Variants in ROBO2 observed in about 807,000 individuals in gnomAD.
ROBO2 encodes the protein roundabout guidance receptor 2.
A neutral mutation model predicts 160.8 loss-of-function variants in ROBO2; 53 were observed. The ratio of observed to expected loss-of-function variants is 0.33; its 90% CI spans 0.26 to 0.41. The LOEUF is 0.41. Among genes scored for constraint, ROBO2 ranks in the 10% least tolerant of loss-of-function variants. The probability of loss-of-function intolerance (pLI) is 1.00; values close to 1 mark genes in which losing one functional copy is unlikely to be tolerated. For missense variants in ROBO2, 1,577 were observed against 1,722.4 expected (o/e 0.92, Z 1.49); for synonymous variants, 664 against 611.7 (o/e 1.09, Z -1.26).
rs909508091 is a variant in ROBO2 at position 76,992,642 on chromosome 3, A to AT, written c.110-105362dup. Among the ~76,000 whole-genome samples the AT allele has an allele frequency of 6.0e-3, 903 of 149,564 alleles. 13 individuals carry two copies. Among genetic ancestry groups the AT allele is most frequent in the African/African-American group, 0.018 (720 of 40,842 alleles). ...CGTCAATTTTTTCCTAAAAATAAGA[A>AT]TTTTTTTTTTCTATATGAAGGGCCT... On this transcript the variant is annotated intron_variant, in intron 2 of 26. Transcript: ENST00000487694.
At chr3:77,048,687 G>C (rs570765599) in intron 1 of ROBO2, among the ~76,000 whole-genome samples, 1 of 152,266 alleles carries the variant, frequency 6.6e-6, no homozygotes, top group East Asian at 1.9e-4. Context: ...AGCCCCCTTA[G>C]CTTCCCTTCA....
At chr3:77,588,983 T>C in intron 17 of ROBO2, 50 bp downstream of exon 18, 2 of 1,593,050 alleles carry the variant, frequency 1.3e-6, no homozygotes, top group Non-Finnish European at 1.7e-6. Context: ...AGGAATGTAA[T>C]GAAATGAATG....
intron 24 of ROBO2, among the ~76,000 whole-genome samples, chr3:77,644,281 G>A (rs1169751693): frequency 1.3e-5 from 2 of 152,034 alleles, no homozygotes; most frequent in African/African-American, 4.8e-5. Context: ...TAAATCAATT[G>A]AGAAAATGTT....
chr3:77,049,115 G>A (rs2064972881), intron 1 of ROBO2, among the ~76,000 whole-genome samples: 1 of 152,114 alleles, frequency 6.6e-6, no homozygotes, highest in Non-Finnish European at 1.5e-5. Flanking sequence ...GATCGCTTGA[G>A]CCTAGGTGTT....
chr3:76,228,594 T>C (rs1704433394), intron 2 of ROBO2, among the ~76,000 whole-genome samples: 1 of 152,200 alleles, frequency 6.6e-6, no homozygotes, highest in Admixed American at 6.6e-5. Flanking sequence ...TTCTTGTATC[T>C]TTAATTCAGC....
At chr3:77,298,473 C>G (rs970963113) in intron 2 of ROBO2, among the ~76,000 whole-genome samples, 2 of 152,184 alleles carry the variant, frequency 1.3e-5, no homozygotes, top group Non-Finnish European at 2.9e-5. Context: ...AGTCCAGACT[C>G]TCTCACTCAT....
At chr3:76,350,926 G>C (rs906076679) in intron 2 of ROBO2, among the ~76,000 whole-genome samples, 1 of 151,762 alleles carries the variant, frequency 6.6e-6, no homozygotes, top group Non-Finnish European at 1.5e-5. Flanking sequence ...AAAGACAATC[G>C]GGACACATAA....
At chr3:77,086,906 C>A (rs2069398806) in intron 1 of ROBO2, among the ~76,000 whole-genome samples, 1 of 152,124 alleles carries the variant, frequency 6.6e-6, no homozygotes, top group South Asian at 2.1e-4. Context: ...CATTGAATCT[C>A]AATTTAACTT....
At chr3:76,941,737 A>G (rs1478005318) in intron 2 of ROBO2, among the ~76,000 whole-genome samples, 1 of 152,012 alleles carries the variant, frequency 6.6e-6, no homozygotes, top group Non-Finnish European at 1.5e-5. Context: ...TCTCTCCCTC[A>G]CTTGTCTGCA....
At chr3:76,129,782 G>C (rs1477850532) in intron 2 of ROBO2, among the ~76,000 whole-genome samples, 1 of 151,966 alleles carries the variant, frequency 6.6e-6, no homozygotes, top group Non-Finnish European at 1.5e-5. Context: ...AGTTTTTCTA[G>C]AATATTGATT....
intron 1 of ROBO2, among the ~76,000 whole-genome samples, chr3:77,075,881 T>G (rs2067944617): frequency 6.6e-6 from 1 of 151,856 alleles, no homozygotes; most frequent in South Asian, 2.1e-4. Flanking sequence ...TTTCACCATG[T>G]TGGCCAAGGT....
chr3:77,005,807 CA>C lies in ROBO2; in HGVS notation c.110-92201del, dbSNP rs893846526. On this transcript the variant is annotated intron_variant, in intron 2 of 26. Coordinates refer to the ROBO2 transcript ENST00000487694. ...CAAAGTTATAAAGAAGATTACGAAG[CA>C]AAAAAGGATGCAGTGTTCTAGTCTG... 2.6e-4 allele frequency among the ~76,000 whole-genome samples: 39 copies of C among 151,864 alleles called. No individual in the cohort carries two copies. The Middle Eastern group carries it at 0.01, about 40-fold the overall frequency.
chr3:77,591,789 C>T (rs966984890), intron 17 of ROBO2, among the ~76,000 whole-genome samples: 3 of 152,012 alleles, frequency 2.0e-5, no homozygotes, highest in Non-Finnish European at 2.9e-5. Context: ...TGTCTGACCA[C>T]CCCAACCCTT....
intron 2 of ROBO2, among the ~76,000 whole-genome samples, chr3:76,554,462 A>T (rs151306859): frequency 4.2e-4 from 64 of 152,328 alleles, no homozygotes; most frequent in African/African-American, 1.4e-3. Context: ...GAAACAAAAG[A>T]TATGTATTTC....
At chr3:77,614,035 G>A (rs564285291) in intron 21 of ROBO2, among the ~76,000 whole-genome samples, 1 of 152,246 alleles carries the variant, frequency 6.6e-6, no homozygotes, top group Non-Finnish European at 1.5e-5. Context: ...AAAGAAAGAT[G>A]AAAACAAATT....
chr3:76,694,027 C>G (rs531470837), intron 2 of ROBO2, among the ~76,000 whole-genome samples: 2 of 152,300 alleles, frequency 1.3e-5, no homozygotes, highest in Non-Finnish European at 2.9e-5. Flanking sequence ...GAGCTCTCCA[C>G]GTGCCTACAT....
intron 2 of ROBO2, among the ~76,000 whole-genome samples, chr3:77,280,290 C>T (rs1180393852): frequency 6.6e-6 from 1 of 152,160 alleles, no homozygotes; most frequent in African/African-American, 2.4e-5. Flanking sequence ...TTGATGAATT[C>T]CTACAGTATT....
At chr3:76,463,645 A>T (rs1191593001) in intron 2 of ROBO2, among the ~76,000 whole-genome samples, 1 of 152,122 alleles carries the variant, frequency 6.6e-6, no homozygotes, top group Non-Finnish European at 1.5e-5. Context: ...CTGGTACAAG[A>T]GCACTAAGAG....
intron 2 of ROBO2, among the ~76,000 whole-genome samples, chr3:76,039,827 A>G (rs2067227160): frequency 6.6e-6 from 1 of 152,074 alleles, no homozygotes; most frequent in African/African-American, 2.4e-5. Context: ...TTATTTGCAT[A>G]GGGGATGTAG....
Sources: allele counts gnomAD v4.1 joint callset (sites outside exome capture counted in the v4.1 genomes callset), GRCh38; gene constraint gnomAD v4.1.1; transcripts MANE v1.5; gene names NCBI Gene and HGNC (gene_info 2026-07-23, HGNC 2026-07-21).